EPHA6: variants seen among roughly 807,000 people sequenced by gnomAD.
EPHA6 encodes the protein EPH receptor A6.
A neutral mutation model predicts 112.0 loss-of-function variants in EPHA6; 50 were observed. That is an observed-to-expected ratio of 0.45 (90% CI 0.36 to 0.56). The LOEUF is 0.56. Ranked by LOEUF, EPHA6 falls within the 20% of genes least tolerant of loss-of-function variation. The pLI is 0.00. For missense variants in EPHA6, 1,280 were observed against 1,417.4 expected, an observed-to-expected ratio of 0.90 and a Z score of 1.56; for synonymous variants, 529 against 490.7, an observed-to-expected ratio of 1.08 and a Z score of -1.03.
chr3:97,616,535 A>T (rs2093767943), intron 13 of EPHA6, among the ~76,000 whole-genome samples: 2 of 152,176 alleles, frequency 1.3e-5, no homozygotes, highest in African/African-American at 4.8e-5. Context: ...AAATCATGAT[A>T]AAACATTGCA....
intron 5 of EPHA6, among the ~76,000 whole-genome samples, chr3:97,349,190 T>G (rs2108886854): frequency 6.6e-6 from 1 of 152,222 alleles, no homozygotes; most frequent in African/African-American, 2.4e-5. Context: ...AAATTCAATT[T>G]TAGTCTTATA....
intron 5 of EPHA6, among the ~76,000 whole-genome samples, chr3:97,246,778 A>AT (rs562740336): frequency 3.7e-4 from 57 of 152,012 alleles, no homozygotes; most frequent in Middle Eastern, 3.4e-3. Flanking sequence ...CCATGTCATA[A>AT]TTTTGAGAGA....
At chr3:96,928,247 T>C (rs2040140206) in intron 2 of EPHA6, among the ~76,000 whole-genome samples, 1 of 152,220 alleles carries the variant, frequency 6.6e-6, no homozygotes. Context: ...TTCTAGCTTT[T>C]TGATATGAGC....
chr3:97,675,874 A>G (rs1181708751), intron 14 of EPHA6, among the ~76,000 whole-genome samples: 1 of 152,134 alleles, frequency 6.6e-6, no homozygotes, highest in Non-Finnish European at 1.5e-5. Flanking sequence ...AAAGTGGAGG[A>G]ATTAAAAGTG....
intron 11 of EPHA6, among the ~76,000 whole-genome samples, chr3:97,587,172 G>A (rs537606459): frequency 6.6e-6 from 1 of 152,070 alleles, no homozygotes; most frequent in South Asian, 2.1e-4. Flanking sequence ...GAACCCGGGA[G>A]GCAGAATGGC....
At chr3:97,728,704 A>G (rs2220275) in intron 15 of EPHA6, among the ~76,000 whole-genome samples, 149,398 of 152,260 alleles carry the variant, frequency 0.98, 73,316 homozygotes, top group East Asian at 0.99. Flanking sequence ...TCCTTTATCA[A>G]TGAAGAGTCA....
intron 3 of EPHA6, among the ~76,000 whole-genome samples, chr3:97,049,782 T>C (rs749094218): frequency 1.1e-4 from 16 of 152,290 alleles, no homozygotes; most frequent in South Asian, 8.3e-4. Context: ...TGCTAGGTTC[T>C]TTTTAACAAC....
In EPHA6 at chr3:96,987,519, A is replaced by G. The variant is rs1323205593; in HGVS notation, c.640A>G (p.Thr214Ala). The change falls in exon 3 of 18, where the codon ACT (threonine) becomes GCT (alanine). Residue 214 changes from threonine (T) to alanine (A), a missense_variant. By Grantham distance (58) the Thr-to-Ala change is moderately conservative. Around this residue, in one of 4 missense-constraint regions of EPHA6, gnomAD observed 878 missense variants for 999.7 expected, o/e 0.88. Transcript: ENST00000389672. ...DCNSIPWVLG[T>A]CKETFNLFYM... ...TAACAGCATCCCATGGGTCTTGGGG[A>G]CTTGCAAAGAAACATTTAATCTGTT... 4 of 1,613,812 alleles carry G rather than the reference A, an allele frequency of 2.5e-6. No individual in the cohort carries two copies. The African/African-American group carries it at 5.3e-5, about 22-fold the overall frequency.
chr3:97,445,190 C>T (rs2090293800), intron 6 of EPHA6, among the ~76,000 whole-genome samples: 1 of 151,988 alleles, frequency 6.6e-6, no homozygotes, highest in South Asian at 2.1e-4. Flanking sequence ...GATTTTTTCT[C>T]ACAATTGGTG....
In EPHA6 at chr3:97,645,989, G is replaced by T. The variant is rs1004101922; in HGVS notation, c.2784+7907G>T. ...AAAGGTTGGGTTTTGTGGGGCAGTT[G>T]TTGGGGAGAGGTTTGTAATCTTCAA... On this transcript the variant is annotated intron_variant, in intron 14 of 17. Coordinates refer to ENST00000389672, the MANE Select transcript of EPHA6 (RefSeq NM_001080448.3). 11 of 578,714 alleles carry T rather than the reference G, an allele frequency of 1.9e-5. No homozygotes were observed. In the African/African-American group the frequency reaches 2.1e-4, roughly 11 times the overall value. The allele number at this position is 578,714 out of a possible 1,614,324, so 35.8% of individuals were successfully genotyped here.
intron 2 of EPHA6, among the ~76,000 whole-genome samples, chr3:96,868,974 T>C (rs1265196594): frequency 6.6e-6 from 1 of 151,994 alleles, no homozygotes; most frequent in Non-Finnish European, 1.5e-5. Flanking sequence ...ATTGAGCATC[T>C]CTGGTGGTTA....
At chr3:96,852,623 T>C (rs1275683138) in intron 1 of EPHA6, among the ~76,000 whole-genome samples, 2 of 148,336 alleles carry the variant, frequency 1.3e-5, no homozygotes, top group African/African-American at 5.0e-5. Flanking sequence ...AAAAAAAAAC[T>C]TCCTGGTGTA....
intron 5 of EPHA6, among the ~76,000 whole-genome samples, chr3:97,293,205 T>A (rs1322316989): frequency 6.6e-6 from 1 of 151,666 alleles, no homozygotes; most frequent in African/African-American, 2.4e-5. Flanking sequence ...CCGTGATAGG[T>A]AGCTCCTTTT....
chr3:96,926,927 C>T (rs1161972121), intron 2 of EPHA6, among the ~76,000 whole-genome samples: 2 of 152,172 alleles, frequency 1.3e-5, no homozygotes, highest in Admixed American at 6.5e-5. Context: ...GGCAGTGCCC[C>T]AGTAGGGACT....
intron 14 of EPHA6, among the ~76,000 whole-genome samples, chr3:97,640,887 A>T (rs909182382): frequency 6.6e-6 from 1 of 152,228 alleles, no homozygotes; most frequent in African/African-American, 2.4e-5. Flanking sequence ...ATTGCAATAA[A>T]CCAGAATGGT....
At chr3:96,974,135 CTTATAA>C (rs904643677) in intron 2 of EPHA6, among the ~76,000 whole-genome samples, 4 of 143,596 alleles carry the variant, frequency 2.8e-5, no homozygotes, top group African/African-American at 5.2e-5. Context: ...CTTTATTATA[CTTATAA>C]TTATAAATAA....
At chr3:97,157,527 A>G (rs2076316047) in intron 3 of EPHA6, among the ~76,000 whole-genome samples, 1 of 152,126 alleles carries the variant, frequency 6.6e-6, no homozygotes, top group Admixed American at 6.6e-5. Context: ...AGAGACAGAG[A>G]CAGAGACACA....
intron 4 of EPHA6, among the ~76,000 whole-genome samples, chr3:97,234,630 C>A (rs959817358): frequency 6.6e-6 from 1 of 152,070 alleles, no homozygotes; most frequent in Non-Finnish European, 1.5e-5. Context: ...TAAGACATTG[C>A]AATCTCCGTT....
intron 10 of EPHA6, among the ~76,000 whole-genome samples, chr3:97,509,011 T>C (rs1405073643): frequency 8.3e-6 from 1 of 121,060 alleles, no homozygotes; most frequent in East Asian, 2.3e-4. Flanking sequence ...TTTTTTTTTT[T>C]TTTTTTTTTT....
Sources: allele counts gnomAD v4.1 joint callset (sites outside exome capture counted in the v4.1 genomes callset), GRCh38; gene constraint gnomAD v4.1.1; regional missense constraint gnomAD v4.1.1; transcripts MANE v1.5; gene names NCBI Gene and HGNC (gene_info 2026-07-23, HGNC 2026-07-21).